Variants in XKR4 observed in about 807,000 individuals in gnomAD.
The protein encoded by XKR4 is XK related 4, also known as XK-related protein 4.
In XKR4, 12 loss-of-function variants were observed where a neutral mutation model predicts 53.9. The observed-to-expected ratio is 0.22, with a 90% CI of 0.14 to 0.36. The LOEUF (loss-of-function observed/expected upper bound fraction) is 0.36, where lower values mean the gene tolerates loss of function less well. Among genes scored for constraint, XKR4 ranks in the 10% least tolerant of loss-of-function variants. The pLI is 1.00. For synonymous variants in XKR4, 354 were observed against 362.4 expected (o/e 0.98, Z 0.26); for missense variants, 799 against 859.5 (o/e 0.93, Z 0.88).
intron 2 of XKR4, among the ~76,000 whole-genome samples, chr8:55,404,993 T>A (rs1002269181): frequency 3.3e-5 from 5 of 152,222 alleles, no homozygotes; most frequent in African/African-American, 1.2e-4. Context: ...AAAATGCCTG[T>A]CTTGCCACAA....
intron 1 of XKR4, among the ~76,000 whole-genome samples, chr8:55,174,906 G>A (rs1365206232): frequency 1.3e-5 from 2 of 152,154 alleles, no homozygotes; most frequent in African/African-American, 4.8e-5. Flanking sequence ...GTTTGTCTCA[G>A]GTTGCTCTCT....
At chr8:55,510,156 G>C (rs1319629792) in intron 2 of XKR4, among the ~76,000 whole-genome samples, 4 of 152,052 alleles carry the variant, frequency 2.6e-5, no homozygotes, top group Non-Finnish European at 4.4e-5. Flanking sequence ...AATACTGCAA[G>C]AAGGCCAGGC....
At chr8:55,120,486 G>A (rs1219842532) in intron 1 of XKR4, among the ~76,000 whole-genome samples, 2 of 137,476 alleles carry the variant, frequency 1.5e-5, no homozygotes, top group Admixed American at 7.2e-5. Flanking sequence ...TGGGAACATG[G>A]GTTAGAAACT....
intron 1 of XKR4, among the ~76,000 whole-genome samples, chr8:55,331,642 C>T (rs759298211): frequency 9.9e-5 from 15 of 152,082 alleles, no homozygotes; most frequent in South Asian, 2.1e-4. Flanking sequence ...GAGGCATATA[C>T]GTTGTAATTG....
intron 1 of XKR4, among the ~76,000 whole-genome samples, chr8:55,129,639 AAGAGGGGATGG>A (rs1294378713): frequency 6.6e-6 from 1 of 152,164 alleles, no homozygotes; most frequent in Admixed American, 6.5e-5. Flanking sequence ...TGAGGACCAG[AAGAGGGGATGG>A]AGAGGAATAT....
At chr8:55,382,656 A>C (rs1804252762) in intron 2 of XKR4, among the ~76,000 whole-genome samples, 1 of 152,202 alleles carries the variant, frequency 6.6e-6, no homozygotes. Flanking sequence ...TTCGTCTGTT[A>C]AAAAGTCTGT....
intron 1 of XKR4, among the ~76,000 whole-genome samples, chr8:55,183,135 TAG>T (rs1181931360): frequency 2.0e-5 from 3 of 151,990 alleles, no homozygotes; most frequent in Non-Finnish European, 4.4e-5. Flanking sequence ...AATTTCTGAT[TAG>T]AGTTTATCAA....
Position 55,451,468 on chromosome 8 carries a change from C to A in XKR4, c.1007-71813C>A. ...CTGCAGGTACTTCTCCTGCTCCAGGCTACTCGAGTCTGCCTGGAACTGGCC... is the reference window on the plus strand; with the variant it reads ...CTGCAGGTACTTCTCCTGCTCCAGGATACTCGAGTCTGCCTGGAACTGGCC... On this transcript the variant is annotated intron_variant, in intron 2 of 2. Transcript: ENST00000327381. The A allele has an allele frequency of 7.3e-6, 9 of 1,237,812 alleles. 1 individual carries two copies. The South Asian group carries it at 1.2e-4, about 16-fold the overall frequency. 76.7% of individuals were successfully genotyped at this position (1,237,812 alleles called of 1,614,324 possible).
chr8:55,483,119 T>C (rs960247038), intron 2 of XKR4, among the ~76,000 whole-genome samples: 20 of 152,142 alleles, frequency 1.3e-4, no homozygotes, highest in African/African-American at 4.8e-4. Context: ...GTGTTCTGTA[T>C]TGTTTGGGAA....
intron 2 of XKR4, chr8:55,449,891 C>A: frequency 1.1e-6 from 1 of 908,666 alleles, no homozygotes. Context: ...CTGCCGCAGG[C>A]AGCCTGGCGG....
intron 1 of XKR4, among the ~76,000 whole-genome samples, chr8:55,268,445 G>A (rs1818642181): frequency 6.6e-6 from 1 of 152,134 alleles, no homozygotes; most frequent in South Asian, 2.1e-4. Context: ...AACTGATGTT[G>A]ATACTGCTAA....
intron 2 of XKR4, among the ~76,000 whole-genome samples, chr8:55,380,489 A>T (rs1018816194): frequency 6.6e-6 from 1 of 152,280 alleles, no homozygotes; most frequent in African/African-American, 2.4e-5. Context: ...GAGTTCCATG[A>T]CATCTTTCTT....
intron 1 of XKR4, among the ~76,000 whole-genome samples, chr8:55,141,655 C>T (rs2129354281): frequency 6.8e-6 from 1 of 146,690 alleles, no homozygotes; most frequent in African/African-American, 2.5e-5. Context: ...TTCTCTCTCT[C>T]TCTCTCTCTC....
intron 1 of XKR4, among the ~76,000 whole-genome samples, chr8:55,311,159 C>T (rs1488252147): frequency 6.6e-6 from 1 of 152,164 alleles, no homozygotes; most frequent in Non-Finnish European, 1.5e-5. Flanking sequence ...GCTCATGTGC[C>T]TCGAATTGGT....
intron 1 of XKR4, among the ~76,000 whole-genome samples, chr8:55,163,475 T>G (rs552719896): frequency 1.3e-5 from 2 of 152,320 alleles, no homozygotes; most frequent in South Asian, 4.1e-4. Flanking sequence ...TATTCCCAGT[T>G]TATTCCTGTG....
chr8:55,414,347 C>T (rs1804814739), intron 2 of XKR4, among the ~76,000 whole-genome samples: 1 of 151,964 alleles, frequency 6.6e-6, no homozygotes, highest in Admixed American at 6.6e-5. Context: ...TACAGGAATT[C>T]AAAAAGTAAT....
In XKR4 at chr8:55,449,834, C is replaced by A. The variant is rs1805404188; in HGVS notation, c.1007-73447C>A. ...CTTGTACAGAGTGCCCTCGTAGGAC[C>A]TGTTCTCACTCTCAGCTGTCTGGAA... On this transcript the variant is annotated intron_variant, in intron 2 of 2. Transcript: ENST00000327381. 3 of 1,111,716 alleles carry A rather than the reference C, an allele frequency of 2.7e-6. No homozygotes were observed. The Admixed American group carries it at 5.1e-5, about 19-fold the overall frequency. The allele number at this position is 1,111,716 out of a possible 1,614,324, so 68.9% of individuals were successfully genotyped here.
intron 2 of XKR4, among the ~76,000 whole-genome samples, chr8:55,506,665 A>C (rs745392244): frequency 6.6e-6 from 1 of 152,168 alleles, no homozygotes; most frequent in African/African-American, 2.4e-5. Flanking sequence ...AGAAAAGCTG[A>C]TTTTGTGCCT....
rs76893876 is a variant in XKR4, at chr8:55,140,566, C to T, written c.806+37272C>T. Among the ~76,000 whole-genome samples the T allele has an allele frequency of 9.8e-3, 1,500 of 152,318 alleles. 24 individuals are homozygous for T. The highest frequency in any genetic ancestry group is 0.034 in the African/African-American group (1,433 of 41,562). ...TTATTCTTCGCTAATAAAAGGTGGG[C>T]TAGAAAATGCATTGCTCTGGGGTTT... is the stretch of plus-strand genomic sequence containing the variant. On this transcript the variant is annotated intron_variant, in intron 1 of 2. Coordinates refer to ENST00000327381, the MANE Select transcript of XKR4 (RefSeq NM_052898.2).
Sources: gnomAD v4.1 joint callset for allele counts (sites outside exome capture counted in the v4.1 genomes callset) on GRCh38, gnomAD v4.1.1 for gene constraint, MANE v1.5 for transcripts, NCBI Gene and HGNC (gene_info 2026-07-23, HGNC 2026-07-21) for gene names.